MYO5B: variants seen among roughly 807,000 people sequenced by gnomAD.
MYO5B encodes the protein myosin VB, also known as unconventional myosin-Vb.
In MYO5B, 143 loss-of-function variants were observed where a neutral mutation model predicts 229.3. The observed-to-expected ratio is 0.62, with a 90% CI of 0.54 to 0.72. The LOEUF is 0.72. Ranked by LOEUF, MYO5B falls within the 30% of genes least tolerant of loss-of-function variation. The pLI, the probability that MYO5B is intolerant of heterozygous loss-of-function variation, is 0.00. For synonymous variants in MYO5B, 918 were observed against 885.2 expected, an observed-to-expected ratio of 1.04 and a Z score of -0.66; for missense variants, 2,321 against 2,331.0, an observed-to-expected ratio of 1.00 and a Z score of 0.09.
intron 1 of MYO5B, among the ~76,000 whole-genome samples, chr18:50,091,209 T>A (rs2031441045): frequency 6.6e-6 from 1 of 152,176 alleles, no homozygotes; most frequent in African/African-American, 2.4e-5. Context: ...TCAGACGCAC[T>A]GGAAGTTTAT....
intron 1 of MYO5B, among the ~76,000 whole-genome samples, 185 bp downstream of exon 1, chr18:50,194,582 C>A (rs1320130656): frequency 6.6e-6 from 1 of 152,206 alleles, no homozygotes; most frequent in African/African-American, 2.4e-5. Flanking sequence ...GTTCCCGGAA[C>A]CGCCAAACTT....
At chr18:49,941,427 T>C (rs1159937395) in intron 14 of MYO5B, among the ~76,000 whole-genome samples, 1 of 152,144 alleles carries the variant, frequency 6.6e-6, no homozygotes, top group East Asian at 1.9e-4. Context: ...AAAGCACACC[T>C]CAAATCCCTG....
intron 7 of MYO5B, among the ~76,000 whole-genome samples, chr18:49,986,616 T>TA (rs2025873265): frequency 1.3e-5 from 2 of 152,220 alleles, no homozygotes; most frequent in South Asian, 4.1e-4. Context: ...ACATCAGATC[T>TA]TTGTAGAAGA....
intron 1 of MYO5B, among the ~76,000 whole-genome samples, chr18:50,179,542 A>C (rs1445709673): frequency 6.6e-6 from 1 of 152,200 alleles, no homozygotes; most frequent in African/African-American, 2.4e-5. Flanking sequence ...TAGTGGAGCC[A>C]ATCTAAACTG....
At chr18:49,855,149 TGAGA>T (rs1017484878) in intron 30 of MYO5B, among the ~76,000 whole-genome samples, 1 of 152,244 alleles carries the variant, frequency 6.6e-6, no homozygotes, top group African/African-American at 2.4e-5. Flanking sequence ...ATACATTTAA[TGAGA>T]GAGAACAGAC....
In MYO5B at chr18:49,825,606, G is replaced by C. The variant is rs1277253136; in HGVS notation, c.*865C>G. 2 of 152,072 alleles carry C rather than the reference G, an allele frequency of 1.3e-5. No individual in the cohort carries two copies. The highest frequency in any genetic ancestry group is 3.2e-3 in the Middle Eastern group (1 of 316). The allele number at this position is 152,072 out of a possible 1,614,324, so 9.4% of individuals were successfully genotyped here. On this transcript the variant is annotated 3_prime_UTR_variant, in exon 40 of 40. Coordinates refer to ENST00000285039, the MANE Select transcript of MYO5B (RefSeq NM_001080467.3). ...AAAAGCTTTCATATTGACTTGTTTG[G>C]TTTTTACATCTATAAATAAAACAAG...
chr18:49,900,945 C>T (rs548231877), intron 21 of MYO5B, among the ~76,000 whole-genome samples: 19 of 152,196 alleles, frequency 1.2e-4, no homozygotes, highest in Non-Finnish European at 2.5e-4. Flanking sequence ...GATCAGAGCT[C>T]GGGTAGGATC....
At chr18:50,127,193 A>G (rs1254387856) in intron 1 of MYO5B, among the ~76,000 whole-genome samples, 1 of 152,188 alleles carries the variant, frequency 6.6e-6, no homozygotes, top group Non-Finnish European at 1.5e-5. Flanking sequence ...GGCACTTACG[A>G]TAATTCAAAA....
At chr18:50,052,142 T>A (rs917822376) in intron 2 of MYO5B, among the ~76,000 whole-genome samples, 1 of 152,152 alleles carries the variant, frequency 6.6e-6, no homozygotes, top group Non-Finnish European at 1.5e-5. Context: ...TGGAAGTCAG[T>A]GTGGCGATTC....
intron 35 of MYO5B, among the ~76,000 whole-genome samples, chr18:49,839,634 T>C (rs2024032839): frequency 1.3e-5 from 2 of 152,218 alleles, no homozygotes; most frequent in South Asian, 4.1e-4. Context: ...AGCGCTTTCC[T>C]CAATATATCA....
Position 50,164,250 on chromosome 18 carries a change from T to C in MYO5B, c.27+30517A>G, listed in dbSNP as rs532416969. On this transcript the variant is annotated intron_variant, in intron 1 of 39. Transcript: ENST00000285039. ...TTAGTGATCTTTATGTAGTAGTGAC[T>C]CAGGTCTCATTTCCACTCTATTTCA... Among the ~76,000 whole-genome samples, 11 of 152,354 alleles carry C rather than the reference T, an allele frequency of 7.2e-5. No homozygotes were observed. The South Asian group carries it at 2.1e-3, about 29-fold the overall frequency.
chr18:49,921,407 G>A (rs1456738191), intron 17 of MYO5B, among the ~76,000 whole-genome samples: 1 of 152,060 alleles, frequency 6.6e-6, no homozygotes, highest in Admixed American at 6.5e-5. Context: ...GACTGCACAG[G>A]CACGAGACCT....
In MYO5B at chr18:49,954,683, C is replaced by A. The variant is rs529227519; in HGVS notation, c.1546-248G>T. Among the ~76,000 whole-genome samples the A allele has an allele frequency of 4.9e-4, 75 of 152,298 alleles. 4 individuals carry two copies. In the South Asian group the frequency reaches 0.015, roughly 31 times the overall value. On this transcript the variant is annotated intron_variant, in intron 12 of 39. Transcript: ENST00000285039. The stretch of plus-strand genomic sequence containing the variant: ...GGGAGCAGCTGAGCCTGCTGGTTGG[C>A]AGACACTGGAAGTGCTAGGGAGGAT...
At chr18:49,906,722 C>A in intron 18 of MYO5B, 92 bp from the exon 19 acceptor site, 1 of 1,158,360 alleles carries the variant, frequency 8.6e-7, no homozygotes, top group Non-Finnish European at 1.3e-6. Flanking sequence ...TGCAGAATCC[C>A]CTGGCCAGAC....
intron 12 of MYO5B, among the ~76,000 whole-genome samples, chr18:49,962,064 C>T (rs2025565533): frequency 6.6e-6 from 1 of 152,214 alleles, no homozygotes; most frequent in Non-Finnish European, 1.5e-5. Context: ...ACCAGTGTAG[C>T]AACACCTGCC....
chr18:50,089,850 C>G (rs933985776), intron 1 of MYO5B, among the ~76,000 whole-genome samples: 3 of 152,118 alleles, frequency 2.0e-5, no homozygotes, highest in Non-Finnish European at 2.9e-5. Flanking sequence ...CATGGCCACC[C>G]CCGCATAACC....
At chr18:50,112,304 G>T (rs1351533253) in intron 1 of MYO5B, among the ~76,000 whole-genome samples, 2 of 152,180 alleles carry the variant, frequency 1.3e-5, no homozygotes, top group African/African-American at 4.8e-5. Flanking sequence ...CTGCATCACG[G>T]CTCCAAGGGG....
chr18:50,062,809 G>T (rs1035160437), intron 1 of MYO5B, among the ~76,000 whole-genome samples: 10 of 152,094 alleles, frequency 6.6e-5, no homozygotes. Context: ...CATTTATTGG[G>T]CTGGGCTCCC....
chr18:49,992,311 C>G lies in MYO5B; in HGVS notation c.733G>C (p.Glu245Gln). The change falls in exon 6 of 40, where the codon GAG becomes CAG. Residue 245 changes from glutamate to glutamine, a missense_variant. Glu to Gln is a conservative substitution (Grantham distance 29). Transcript: ENST00000285039. ...ACCTGGAAGACCACTCTGGACTTCT[C>G]CAAGAGGTAAGTCCTCATGTTGGCC... ...IGANMRTYLLEKSRVVFQADD... is the reference protein window; with the variant it reads ...IGANMRTYLLQKSRVVFQADD... The G allele has an allele frequency of 6.2e-7, 1 of 1,614,182 alleles. No individual in the cohort carries two copies. The highest frequency in any genetic ancestry group is 8.5e-7 in the Non-Finnish European group (1 of 1,180,018).
Sources: allele counts gnomAD v4.1 joint callset (sites outside exome capture counted in the v4.1 genomes callset), GRCh38; gene constraint gnomAD v4.1.1; transcripts MANE v1.5; gene names NCBI Gene and HGNC (gene_info 2026-07-23, HGNC 2026-07-21).